The following PDIA5 variants were observed in gnomAD, a reference collection of about 807,000 sequenced individuals.
The protein encoded by PDIA5 is protein disulfide-isomerase A5.
A neutral mutation model predicts 77.6 loss-of-function variants in PDIA5; 58 were observed. The observed-to-expected ratio is 0.75, with a 90% CI of 0.61 to 0.93. The LOEUF is 0.93. PDIA5 is among the 40% of genes least tolerant of loss of function. PDIA5 has a pLI of 0.00. For synonymous variants in PDIA5, 250 were observed against 252.1 expected (o/e 0.99, Z 0.08); for missense variants, 630 against 647.7 (o/e 0.97, Z 0.30).
intron 1 of PDIA5, among the ~76,000 whole-genome samples, chr3:123,087,240 C>G (rs555778390): frequency 7.2e-5 from 11 of 152,316 alleles, no homozygotes; most frequent in Admixed American, 5.9e-4. Context: ...CCATGAACTC[C>G]TGGGCTCAAG....
chr3:123,117,374 T>TTATA (rs370968904), intron 8 of PDIA5, among the ~76,000 whole-genome samples: 6,617 of 79,848 alleles, frequency 0.083, 659 homozygotes, highest in Non-Finnish European at 0.1. Context: ...TTCTATGATT[T>TTATA]TATATATATA....
intron 1 of PDIA5, among the ~76,000 whole-genome samples, chr3:123,073,231 C>T (rs1017275296): frequency 6.6e-6 from 1 of 152,188 alleles, no homozygotes; most frequent in Non-Finnish European, 1.5e-5. Context: ...ACCATCATCC[C>T]TGGAGAGGGA....
intron 13 of PDIA5, among the ~76,000 whole-genome samples, chr3:123,147,684 G>A (rs1359711061): frequency 6.6e-6 from 1 of 152,244 alleles, no homozygotes; most frequent in Admixed American, 6.5e-5. Context: ...TTGGAAAGTA[G>A]CTAGGCCTTT....
In PDIA5 at chr3:123,067,184, C is replaced by T. The variant is rs1933588608; in HGVS notation, c.20C>T (p.Ala7Val). The T allele has an allele frequency of 1.6e-6, 2 of 1,246,938 alleles. No homozygotes were observed. The highest frequency in any genetic ancestry group is 8.4e-5 in the Admixed American group (2 of 23,694). 77.2% of individuals were successfully genotyped at this position (1,246,938 alleles called of 1,614,324 possible). Residue 7 changes from alanine (A) to valine (V), a missense_variant, in exon 1 of 17, where the codon GCG becomes GTG. Physicochemically the swap from Ala to Val is moderately conservative, Grantham distance 64. Coordinates refer to ENST00000316218, the MANE Select transcript of PDIA5 (RefSeq NM_006810.4). MARAGP[A>V]WLLLAIWVVL... is the part of the protein sequence containing the mutation. Reference sequence around the variant, plus strand: ...GCTGGGATGGCGCGGGCCGGGCCGGCGTGGCTGCTGCTGGCAATCTGGGTG... The same window carrying T: ...GCTGGGATGGCGCGGGCCGGGCCGGTGTGGCTGCTGCTGGCAATCTGGGTG...
At chr3:123,111,807 A>G (rs1193015129) in intron 7 of PDIA5, among the ~76,000 whole-genome samples, 1 of 152,200 alleles carries the variant, frequency 6.6e-6, no homozygotes, top group Admixed American at 6.5e-5. Flanking sequence ...GTTTCGCAAA[A>G]CCACTCTTGC....
chr3:123,097,137 A>G (rs1453221256), intron 3 of PDIA5, among the ~76,000 whole-genome samples: 1 of 152,144 alleles, frequency 6.6e-6, no homozygotes, highest in African/African-American at 2.4e-5. Flanking sequence ...TATTTTAAAG[A>G]CTTATGTTTT....
intron 3 of PDIA5, among the ~76,000 whole-genome samples, chr3:123,099,806 A>T (rs921530028): frequency 6.6e-6 from 1 of 152,202 alleles, no homozygotes; most frequent in African/African-American, 2.4e-5. Context: ...GTGGAAATGA[A>T]CCAAGCCCCT....
intron 11 of PDIA5, among the ~76,000 whole-genome samples, chr3:123,142,064 T>C (rs1935648310): frequency 6.6e-6 from 1 of 152,176 alleles, no homozygotes; most frequent in South Asian, 2.1e-4. Context: ...GAGGAGAGGC[T>C]TTTGTGACAA....
chr3:123,120,322 A>G (rs1166970541), intron 8 of PDIA5, among the ~76,000 whole-genome samples: 2 of 152,100 alleles, frequency 1.3e-5, no homozygotes, highest in Non-Finnish European at 2.9e-5. Flanking sequence ...TGGAGCCTCC[A>G]TTTCTCCATC....
Position 123,146,275 on chromosome 3 carries a change from T to A in PDIA5, c.1142+16T>A. ...GGATGCAAAAGTAAGTGTTACGATC[T>A]CAGTAGCACATCCTAACTGCCAGCT... is the stretch of plus-strand genomic sequence containing the variant. On this transcript the variant is annotated intron_variant, in intron 13 of 16. Transcript: ENST00000316218. 1 of 1,609,116 alleles carries A rather than the reference T, an allele frequency of 6.2e-7. No homozygotes were observed. Among genetic ancestry groups the A allele is most frequent in the Non-Finnish European group, 8.5e-7 (1 of 1,176,394 alleles).
intron 8 of PDIA5, among the ~76,000 whole-genome samples, chr3:123,123,587 G>T (rs1236296027): frequency 6.6e-6 from 1 of 152,240 alleles, no homozygotes; most frequent in Non-Finnish European, 1.5e-5. Flanking sequence ...CAAACCGTGA[G>T]GTATCCAGGA....
chr3:123,121,906 A>G lies in PDIA5; in HGVS notation c.610-2160A>G, dbSNP rs1216948205. On this transcript the variant is annotated intron_variant, in intron 8 of 16. Transcript: ENST00000316218. ...CTCATTCAAGGAAATGCGCGACCCC[A>G]TGGGGAGTTGGGACTCAAACCCAGG... 2.0e-5 allele frequency among the ~76,000 whole-genome samples: 3 copies of G among 152,220 alleles called. No homozygotes were observed. The East Asian group carries it at 5.8e-4, about 29-fold the overall frequency.
rs561368917 is a variant in PDIA5, at chr3:123,148,780, T to C, written c.1143-1454T>C. ...TTAGGTTCAGAGAGGTTAAGGGCCCTATCCAGGGACAAATAGTAGTTCTTC... is the reference window on the plus strand; with the variant it reads ...TTAGGTTCAGAGAGGTTAAGGGCCCCATCCAGGGACAAATAGTAGTTCTTC... On this transcript the variant is annotated intron_variant, in intron 13 of 16. Transcript: ENST00000316218. Among the ~76,000 whole-genome samples, 462 of 152,300 alleles carry C rather than the reference T, an allele frequency of 3.0e-3. 3 individuals carry two copies. The highest frequency in any genetic ancestry group is 0.01 in the African/African-American group (422 of 41,562).
At chr3:123,160,608 C>T (rs1407346718) in intron 15 of PDIA5, among the ~76,000 whole-genome samples, 1 of 152,202 alleles carries the variant, frequency 6.6e-6, no homozygotes, top group Non-Finnish European at 1.5e-5. Flanking sequence ...TCCCTTTATC[C>T]AACCCCTGCC....
At chr3:123,069,923 C>T (rs2107899352) in intron 1 of PDIA5, among the ~76,000 whole-genome samples, 1 of 152,070 alleles carries the variant, frequency 6.6e-6, no homozygotes, top group Non-Finnish European at 1.5e-5. Context: ...AACCCCGTCT[C>T]TACTAAAAAT....
chr3:123,161,584 A>C (rs187640931), intron 16 of PDIA5, 129 bp downstream of exon 16: 1 of 1,025,918 alleles, frequency 9.7e-7, no homozygotes, highest in East Asian at 2.4e-5. Flanking sequence ...CTGCACCGAG[A>C]GGCCCAGGCC....
intron 16 of PDIA5, 67 bp from the exon 17 acceptor site, chr3:123,161,813 G>T (rs751740624): frequency 9.6e-7 from 1 of 1,036,316 alleles, no homozygotes; most frequent in Non-Finnish European, 1.5e-6. Context: ...GGTGTGGGGA[G>T]AGAGAGTGCA....
intron 15 of PDIA5, among the ~76,000 whole-genome samples, chr3:123,158,038 C>T (rs1028106311): frequency 2.6e-5 from 4 of 152,242 alleles, no homozygotes; most frequent in Admixed American, 6.5e-5. Context: ...CATGTAGGTC[C>T]TCCTGTTTAT....
intron 12 of PDIA5, 113 bp from the exon 13 acceptor site, chr3:123,145,986 A>T: frequency 1.0e-6 from 1 of 960,562 alleles, no homozygotes; most frequent in Non-Finnish European, 1.6e-6. Flanking sequence ...TAGCCACCCC[A>T]GTTAAATTCC....
Sources: allele counts gnomAD v4.1 joint callset (sites outside exome capture counted in the v4.1 genomes callset), GRCh38; gene constraint gnomAD v4.1.1; transcripts MANE v1.5; gene names NCBI Gene and HGNC (gene_info 2026-07-23, HGNC 2026-07-21).